HTR4: variants seen among roughly 807,000 people sequenced by gnomAD.
HTR4 encodes 5-hydroxytryptamine (serotonin) receptor 4, G protein-coupled.
A neutral mutation model predicts 36.8 loss-of-function variants in HTR4; 16 were observed. That is an observed-to-expected ratio of 0.43 (90% CI 0.29 to 0.66). HTR4 has a LOEUF of 0.66. Among genes scored for constraint, HTR4 ranks in the 30% least tolerant of loss-of-function variants. HTR4 has a pLI of 0.13. For missense variants in HTR4, 438 were observed against 490.9 expected, an observed-to-expected ratio of 0.89 and a Z score of 1.02; for synonymous variants, 189 against 185.1, an observed-to-expected ratio of 1.02 and a Z score of -0.17.
intron 2 of HTR4, among the ~76,000 whole-genome samples, chr5:148,573,035 C>T (rs1372811334): frequency 6.6e-6 from 1 of 152,056 alleles, no homozygotes; most frequent in Non-Finnish European, 1.5e-5. Context: ...AAATGGAGAT[C>T]TCATTCGAGA....
intron 2 of HTR4, among the ~76,000 whole-genome samples, chr5:148,631,727 C>A (rs951586508): frequency 6.6e-6 from 1 of 151,996 alleles, no homozygotes; most frequent in African/African-American, 2.4e-5. Context: ...ACATTGATAT[C>A]CAATACATTT....
intron 6 of HTR4, among the ~76,000 whole-genome samples, chr5:148,491,954 G>A (rs537839891): frequency 2.6e-5 from 4 of 152,206 alleles, no homozygotes; most frequent in Non-Finnish European, 5.9e-5. Flanking sequence ...TACAAGCAGA[G>A]CTCAGGCTCA....
At chr5:148,555,623 A>G (rs933864985) in intron 2 of HTR4, among the ~76,000 whole-genome samples, 2 of 152,214 alleles carry the variant, frequency 1.3e-5, no homozygotes, top group Non-Finnish European at 2.9e-5. Flanking sequence ...ACAACTGGAC[A>G]GCTTTCATCT....
chr5:148,566,299 A>AG (rs1760440711), intron 2 of HTR4, among the ~76,000 whole-genome samples: 1 of 152,214 alleles, frequency 6.6e-6, no homozygotes, highest in Admixed American at 6.5e-5. Flanking sequence ...CAGATACTAT[A>AG]GTGAAAGATT....
chr5:148,617,003 A>G (rs1226741259), intron 2 of HTR4, among the ~76,000 whole-genome samples: 2 of 152,204 alleles, frequency 1.3e-5, no homozygotes, highest in Non-Finnish European at 2.9e-5. Flanking sequence ...TAATTACAGA[A>G]TCTTATATCA....
At chr5:148,546,479 T>C (rs972161035) in intron 4 of HTR4, among the ~76,000 whole-genome samples, 6 of 152,182 alleles carry the variant, frequency 3.9e-5, no homozygotes, top group African/African-American at 1.2e-4. Context: ...TCATCCTGTT[T>C]CATGACAACT....
rs141144109 is a variant in HTR4, at chr5:148,526,940, G to A, written c.354-3594C>T. ...CATACAAAAATACAATTAGATAGTGGGAATAAGATCTAGTGTTTGGGCAGC... is the reference window on the plus strand; with the variant it reads ...CATACAAAAATACAATTAGATAGTGAGAATAAGATCTAGTGTTTGGGCAGC... On this transcript the variant is annotated intron_variant, in intron 4 of 6. Transcript: ENST00000377888. Among the ~76,000 whole-genome samples, 150 of 152,148 alleles carry A rather than the reference G, an allele frequency of 9.9e-4. 1 individual carries two copies. In the East Asian group the frequency reaches 0.024, roughly 24 times the overall value.
intron 2 of HTR4, among the ~76,000 whole-genome samples, chr5:148,554,977 A>G (rs927630384): frequency 6.6e-6 from 1 of 152,030 alleles, no homozygotes. Flanking sequence ...AAAGGACATG[A>G]CCTCATTCTC....
chr5:148,475,816 C>T, downstream of HTR4, among the ~76,000 whole-genome samples: 1 of 152,214 alleles, frequency 6.6e-6, no homozygotes, highest in East Asian at 1.9e-4. Context: ...CTGTGTGCCA[C>T]TATTTATATG....
At chr5:148,572,746 T>G (rs1456312790) in intron 2 of HTR4, among the ~76,000 whole-genome samples, 1 of 152,128 alleles carries the variant, frequency 6.6e-6, no homozygotes, top group African/African-American at 2.4e-5. Flanking sequence ...TTAGTACTCT[T>G]GACTCCAGTA....
intron 5 of HTR4, among the ~76,000 whole-genome samples, chr5:148,518,310 G>A (rs1349191044): frequency 3.9e-5 from 6 of 152,090 alleles, no homozygotes; most frequent in Non-Finnish European, 1.5e-5. Flanking sequence ...TTACAAGGAT[G>A]TGGGTCATTG....
rs149796347 is a variant in HTR4, at chr5:148,551,013, G to A, written c.27-751C>T. 2.4e-3 allele frequency among the ~76,000 whole-genome samples: 366 copies of A among 151,686 alleles called. 13 individuals are homozygous for A. In the East Asian group the frequency reaches 0.04, roughly 17 times the overall value. ...GAGCTTTGCCTCCTGCTTCCTTGCC[G>A]ATCAACTTACAATGAAGCCTTTTTT... On this transcript the variant is annotated intron_variant, in intron 2 of 6. Coordinates refer to ENST00000377888, the MANE Select transcript of HTR4 (RefSeq NM_000870.7).
rs183221320 is a variant in HTR4, at chr5:148,529,350, G to A, written c.354-6004C>T. On this transcript the variant is annotated intron_variant, in intron 4 of 6. Transcript: ENST00000377888. ...CCACAATTCCCGTGTGTTGTGGGAGGGACCAAGTGGGAGGTGATTGAATCA... is the reference window on the plus strand; with the variant it reads ...CCACAATTCCCGTGTGTTGTGGGAGAGACCAAGTGGGAGGTGATTGAATCA... Among the ~76,000 whole-genome samples the A allele has an allele frequency of 1.1e-4, 16 of 152,222 alleles. No homozygotes were observed. The East Asian group carries it at 2.3e-3, about 22-fold the overall frequency.
intron 5 of HTR4, among the ~76,000 whole-genome samples, chr5:148,467,450 T>C (rs1208988343): frequency 6.6e-6 from 1 of 152,170 alleles, no homozygotes; most frequent in Non-Finnish European, 1.5e-5. Flanking sequence ...AATATAGACA[T>C]GTCTGAAATT....
chr5:148,514,932 C>T (rs1169394816), intron 5 of HTR4, among the ~76,000 whole-genome samples: 5 of 151,714 alleles, frequency 3.3e-5, no homozygotes, highest in Non-Finnish European at 5.9e-5. Flanking sequence ...TTTAATGGTC[C>T]TCTCTTACAA....
At chr5:148,476,757 G>A (rs550522285), downstream of HTR4, 2 of 1,613,150 alleles carry the variant, frequency 1.2e-6, no homozygotes, top group South Asian at 1.1e-5. Context: ...TGGTAGGAGA[G>A]ATCAAAAAGA....
intron 2 of HTR4, among the ~76,000 whole-genome samples, chr5:148,619,396 A>C (rs1264476484): frequency 6.6e-6 from 1 of 152,212 alleles, no homozygotes; most frequent in Non-Finnish European, 1.5e-5. Context: ...AAATTAGATA[A>C]ATATATTTTT....
chr5:148,575,811 TG>T (rs1373231598), intron 2 of HTR4, among the ~76,000 whole-genome samples: 3 of 151,980 alleles, frequency 2.0e-5, no homozygotes, highest in Non-Finnish European at 2.9e-5. Context: ...GCATTCTCCT[TG>T]AAAACCGGCC....
At chr5:148,582,434 A>C (rs1761173100) in intron 2 of HTR4, among the ~76,000 whole-genome samples, 1 of 151,750 alleles carries the variant, frequency 6.6e-6, no homozygotes, top group Non-Finnish European at 1.5e-5. Flanking sequence ...TTAGTTTTTC[A>C]ACCTTGTCCT....
Sources: allele counts gnomAD v4.1 joint callset (sites outside exome capture counted in the v4.1 genomes callset), GRCh38; gene constraint gnomAD v4.1.1; transcripts MANE v1.5; gene names NCBI Gene and HGNC (gene_info 2026-07-23, HGNC 2026-07-21).